The following P2RX4 variants were observed in gnomAD, a reference collection of about 807,000 sequenced individuals.
P2RX4 encodes P2X purinoceptor 4.
P2RX4 carries 37 observed loss-of-function variants against 48.0 expected under a neutral mutation model. The ratio of observed to expected loss-of-function variants is 0.77; its 90% CI spans 0.59 to 1.01. The LOEUF (loss-of-function observed/expected upper bound fraction) is 1.01, where lower values mean the gene tolerates loss of function less well. P2RX4 is among the 50% of genes least tolerant of loss of function. P2RX4 has a pLI of 0.00. For missense variants in P2RX4, 501 were observed against 521.4 expected, an observed-to-expected ratio of 0.96 and a Z score of 0.38; for synonymous variants, 200 against 199.7, an observed-to-expected ratio of 1.00 and a Z score of -0.01.
chr12:121,233,490 G>C, intron 11 of P2RX4, 33 bp from the exon 12 acceptor site: 1 of 1,598,084 alleles, frequency 6.3e-7, no homozygotes, highest in Non-Finnish European at 8.5e-7. Flanking sequence ...GGGTCCCAGG[G>C]GCACCTTGAT....
Position 121,223,228 on chromosome 12 carries a change from C to A in P2RX4, c.524+185C>A, listed in dbSNP as rs1275445943. 3 of 575,228 alleles carry A rather than the reference C, an allele frequency of 5.2e-6. No homozygotes were observed. The East Asian group carries it at 8.8e-5, about 17-fold the overall frequency. 35.6% of individuals were successfully genotyped at this position (575,228 alleles called of 1,614,324 possible). On this transcript the variant is annotated intron_variant, in intron 5 of 11. Transcript: ENST00000337233. ...TAGCTGAGATTATAGGCACCCACCA[C>A]CACGCCCAACTAATTTTTTGTATTT...
rs915197805 is a variant in P2RX4, at chr12:121,219,643, A to G, written c.283-2270A>G. Reference sequence around the variant, plus strand: ...TAGATAGATAGATAGATAGATAGATAGATAGATAGATAGATGGAAAGAAAG... The same window carrying G: ...TAGATAGATAGATAGATAGATAGATGGATAGATAGATAGATGGAAAGAAAG... On this transcript the variant is annotated intron_variant, in intron 2 of 11. Coordinates refer to ENST00000337233, the MANE Select transcript of P2RX4 (RefSeq NM_002560.3). Among the ~76,000 whole-genome samples, 1,286 of 138,070 alleles carry G rather than the reference A, an allele frequency of 9.3e-3. 16 individuals carry two copies. The highest frequency in any genetic ancestry group is 0.034 in the African/African-American group (1,182 of 35,276). The allele number at this position is 138,070 out of a possible 152,430, so 90.6% of individuals were successfully genotyped here. A position where few individuals can be genotyped will look rare whatever the true frequency, so the allele number is the denominator to read the frequency against.
Position 121,228,600 on chromosome 12 carries a change from T to G in P2RX4, c.592T>G (p.Phe198Val). 1 of 1,613,768 alleles carries G rather than the reference T, an allele frequency of 6.2e-7. No individual in the cohort carries two copies. Among genetic ancestry groups the G allele is most frequent in the Non-Finnish European group, 8.5e-7 (1 of 1,179,918 alleles). Residue 198 changes from phenylalanine to valine, a missense_variant, in exon 6 of 12, where the codon TTT becomes GTT. Phe to Val is a conservative substitution (Grantham distance 50, BLOSUM62 -1). Transcript: ENST00000337233. Reference sequence around the variant, plus strand: ...TAAGAACAACATCTGGTATCCCAAATTTAATTTCAGCAAGTAAGTGGTGGC... The same window carrying G: ...TAAGAACAACATCTGGTATCCCAAAGTTAATTTCAGCAAGTAAGTGGTGGC... ...LVKNNIWYPK[F>V]NFSKRNILPN...
At chr12:121,233,195 A>G (rs910379549) in intron 11 of P2RX4, 103 bp downstream of exon 11, 31 of 805,496 alleles carry the variant, frequency 3.8e-5, no homozygotes, top group South Asian at 1.9e-4. Context: ...AGAGGCTGGC[A>G]CCAGTGTGGC....
rs769309987 is a variant in P2RX4 at position 121,232,555 on chromosome 12, G to C, written c.978+48G>C. 3.3e-5 allele frequency: 53 copies of C among 1,605,794 alleles called. No individual in the cohort carries two copies. The South Asian group carries it at 5.8e-4, about 18-fold the overall frequency. ...CCTCCGTCACTCCCTGCAGGGACAA[G>C]GGGCCTCTCCCTGCCCCTGCAGAAA... is the stretch of plus-strand genomic sequence containing the variant. On this transcript the variant is annotated intron_variant, in intron 9 of 11. Coordinates refer to ENST00000337233, the MANE Select transcript of P2RX4 (RefSeq NM_002560.3). This position sits in a 1 kb window ranked among gnomAD's most constrained non-coding sequence, Gnocchi z 4.3.
At chr12:121,216,270 G>C (rs1886222074) in intron 1 of P2RX4, 1 of 152,436 alleles carries the variant, frequency 6.6e-6, no homozygotes, top group Non-Finnish European at 1.5e-5. Flanking sequence ...GATGCTTCTG[G>C]CTTGAGTTCA....
At chr12:121,217,611 A>T (rs1886313899) in intron 2 of P2RX4, among the ~76,000 whole-genome samples, 2 of 152,016 alleles carry the variant, frequency 1.3e-5, no homozygotes, top group Admixed American at 1.3e-4. Context: ...CAAATACACG[A>T]GGTAAATCTT....
intron 2 of P2RX4, among the ~76,000 whole-genome samples, chr12:121,218,363 A>C (rs1886363620): frequency 6.6e-6 from 1 of 152,150 alleles, no homozygotes. Context: ...GGGTGCCTGT[A>C]GTCCCAGCTA....
chr12:121,228,724 G>A lies in P2RX4; in HGVS notation c.606-1G>A. The A allele has an allele frequency of 6.2e-7, 1 of 1,614,028 alleles. No individual in the cohort carries two copies. Among genetic ancestry groups the A allele is most frequent in the Non-Finnish European group, 8.5e-7 (1 of 1,180,020 alleles). Reference sequence around the variant, plus strand: ...GATTTTCTGCTTCCTCTCGACTTTAGGAGGAATATCCTTCCCAACATCACC... The same window carrying A: ...GATTTTCTGCTTCCTCTCGACTTTAAGAGGAATATCCTTCCCAACATCACC... On this transcript the variant is annotated splice_acceptor_variant, in intron 6 of 11. Coordinates refer to ENST00000337233, the MANE Select transcript of P2RX4 (RefSeq NM_002560.3). LOFTEE classifies it high-confidence loss of function.
intron 4 of P2RX4, 147 bp downstream of exon 4, chr12:121,222,313 A>G: frequency 3.1e-6 from 2 of 640,532 alleles, no homozygotes; most frequent in Middle Eastern, 3.3e-4. Context: ...GCCCCTCTAC[A>G]TTCACTGCTG....
At chr12:121,214,418 T>C (rs1397702237) in intron 1 of P2RX4, 2 of 152,106 alleles carry the variant, frequency 1.3e-5, no homozygotes, top group Non-Finnish European at 2.9e-5. Flanking sequence ...CAACTCATCT[T>C]AGTGAAATTG....
In P2RX4 at chr12:121,233,086, C is replaced by T. The variant is rs765774051; in HGVS notation, c.1134C>T (p.Tyr378=). ...REKKYKYVED[Y]EQGLASELDQ ...AGAAATATAAATATGTGGAAGATTA[C>T]GAGCAGGTAGGCCCCTCCTGGCCCC... The change falls in exon 11 of 12, where the codon TAC becomes TAT. Residue 378 remains tyrosine (Y), a synonymous_variant. Coordinates refer to ENST00000337233, the MANE Select transcript of P2RX4 (RefSeq NM_002560.3). The T allele has an allele frequency of 8.7e-6, 14 of 1,608,524 alleles. No homozygotes were observed. Among genetic ancestry groups the T allele is most frequent in the African/African-American group, 8.0e-5 (6 of 74,806 alleles).
chr12:121,217,177 G>C lies in P2RX4; in HGVS notation c.178G>C (p.Val60Leu). The change falls in exon 2 of 12, where the codon GTG (valine) becomes CTG (leucine). Residue 60 changes from valine (V) to leucine (L), a missense_variant. Val to Leu is a conservative substitution (Grantham distance 32). Around this residue, in one of 3 missense-constraint regions of P2RX4, gnomAD observed 295 missense variants for 275.3 expected, o/e 1.07. Transcript: ENST00000337233. ...AAAGGGCTACCAGGAAACTGACTCC[G>C]TGGTCAGCTCCGTTACGACCAAGGT... is the stretch of plus-strand genomic sequence containing the variant. ...WEKGYQETDS[V>L]VSSVTTKVKG... The C allele has an allele frequency of 6.2e-7, 1 of 1,614,150 alleles. No homozygotes were observed. Among genetic ancestry groups the C allele is most frequent in the Non-Finnish European group, 8.5e-7 (1 of 1,179,972 alleles).
intron 4 of P2RX4, 122 bp downstream of exon 4, chr12:121,222,288 G>T: frequency 2.7e-6 from 2 of 737,838 alleles, no homozygotes; most frequent in Non-Finnish European, 4.7e-6. Context: ...CAGGTGCCGA[G>T]GCTGGGGTCC....
At chr12:121,224,470 C>T (rs922380887) in intron 5 of P2RX4, among the ~76,000 whole-genome samples, 3 of 151,696 alleles carry the variant, frequency 2.0e-5, no homozygotes, top group Non-Finnish European at 2.9e-5. Context: ...GTTAGGGTGG[C>T]GCTTGTCTGT....
chr12:121,228,367 CAAAAA>C (rs1178066693), intron 5 of P2RX4, among the ~76,000 whole-genome samples, 161 bp from the exon 6 acceptor site: 86 of 81,034 alleles, frequency 1.1e-3, no homozygotes, highest in African/African-American at 3.6e-3. Flanking sequence ...GACTCCATCT[CAAAAA>C]AAAAAAAAAA....
At chr12:121,222,388 G>GTTT in intron 4 of P2RX4, 1 of 541,182 alleles carries the variant, frequency 1.8e-6, no homozygotes. Flanking sequence ...TGTTGTTGTT[G>GTTT]TTTTTTCTTG....
In P2RX4 at chr12:121,229,225, G is replaced by A. The variant is rs1165807033; in HGVS notation, c.884+126G>A. On this transcript the variant is annotated intron_variant, in intron 8 of 11. Transcript: ENST00000337233. The surrounding 1 kb of genome is among the most constrained non-coding windows in gnomAD (Gnocchi z 4.6). The stretch of plus-strand genomic sequence containing the variant: ...CCCAAGGGCAGGCTGCCGGTCCCCC[G>A]TCCAAGGCGGCGGGAAGGCCATGCT... The A allele has an allele frequency of 4.0e-5, 47 of 1,184,844 alleles. No individual in the cohort carries two copies. Among genetic ancestry groups the A allele is most frequent in the Admixed American group, 1.7e-4 (9 of 53,640 alleles). 73.4% of individuals were successfully genotyped at this position (1,184,844 alleles called of 1,614,324 possible). A position where few individuals can be genotyped will look rare whatever the true frequency, so the allele number is the denominator to read the frequency against.
chr12:121,224,509 G>A (rs1593215861), intron 5 of P2RX4, among the ~76,000 whole-genome samples: 1 of 152,086 alleles, frequency 6.6e-6, no homozygotes, highest in Non-Finnish European at 1.5e-5. Context: ...GGCTGAGGTA[G>A]GAGAATTGCT....
Sources: allele counts gnomAD v4.1 joint callset (sites outside exome capture counted in the v4.1 genomes callset), GRCh38; gene constraint gnomAD v4.1.1; regional missense constraint gnomAD v4.1.1; non-coding constraint Gnocchi (gnomAD v3.1); transcripts MANE v1.5; gene names NCBI Gene and HGNC (gene_info 2026-07-23, HGNC 2026-07-21).